MTA1: variants seen among roughly 807,000 people sequenced by gnomAD.
MTA1 encodes metastasis associated 1.
Under a neutral mutation model 97.0 loss-of-function variants are expected in MTA1, and 15 were observed. The observed-to-expected ratio is 0.15, with a 90% CI of 0.10 to 0.24. MTA1 has a LOEUF of 0.24. Ranked by LOEUF, MTA1 falls within the 10% of genes least tolerant of loss-of-function variation. MTA1 has a pLI of 1.00. For synonymous variants in MTA1, 435 were observed against 417.5 expected, an observed-to-expected ratio of 1.04 and a Z score of -0.51; for missense variants, 709 against 1,015.1, an observed-to-expected ratio of 0.70 and a Z score of 4.10.
intron 7 of MTA1, among the ~76,000 whole-genome samples, chr14:105,455,679 G>A (rs1395857577): frequency 6.6e-6 from 1 of 152,334 alleles, no homozygotes; most frequent in African/African-American, 2.4e-5. Flanking sequence ...TTGATTGTCC[G>A]TAAGGTGCTG....
At chr14:105,425,104 C>T (rs2081969771) in intron 1 of MTA1, among the ~76,000 whole-genome samples, 1 of 152,210 alleles carries the variant, frequency 6.6e-6, no homozygotes, top group Non-Finnish European at 1.5e-5. Flanking sequence ...CTTGGGGGAG[C>T]ACTGGCTGCA....
chr14:105,456,990 C>G (rs587645158), intron 7 of MTA1, among the ~76,000 whole-genome samples: 2 of 152,242 alleles, frequency 1.3e-5, no homozygotes, highest in Non-Finnish European at 2.9e-5. Flanking sequence ...TGCCCCTTAG[C>G]GAGGGATAGC....
chr14:105,433,403 G>A (rs907750959), intron 1 of MTA1, among the ~76,000 whole-genome samples: 5 of 152,212 alleles, frequency 3.3e-5, no homozygotes, highest in African/African-American at 4.8e-5. Flanking sequence ...ACCGCGGTAC[G>A]TCACTGTCAG....
At chr14:105,449,919 C>T in intron 4 of MTA1, 139 bp from the exon 5 acceptor site, 1 of 1,263,594 alleles carries the variant, frequency 7.9e-7, no homozygotes. Context: ...GGCAGTGGGA[C>T]AGTGTCCGGC....
chr14:105,469,714 G>A, intron 19 of MTA1, 127 bp from the exon 20 acceptor site: 2 of 1,378,010 alleles, frequency 1.5e-6, no homozygotes, highest in Non-Finnish European at 2.0e-6. Flanking sequence ...GGGCCAGGCT[G>A]GGGGTCCGTG....
chr14:105,454,075 C>T (rs1006454945), intron 6 of MTA1, 118 bp from the exon 7 acceptor site: 16 of 705,420 alleles, frequency 2.3e-5, no homozygotes, highest in South Asian at 1.3e-4. Context: ...GCGCCCATGT[C>T]GCCCCACAAG....
chr14:105,458,591 G>T (rs2083242469), intron 8 of MTA1, among the ~76,000 whole-genome samples: 1 of 152,200 alleles, frequency 6.6e-6, no homozygotes, highest in African/African-American at 2.4e-5. Flanking sequence ...CCTTCTGGGG[G>T]GCAGGCCTGT....
intron 8 of MTA1, 26 bp from the exon 9 acceptor site, chr14:105,460,330 CTG>C (rs782729596): frequency 6.9e-6 from 11 of 1,584,936 alleles, no homozygotes; most frequent in Non-Finnish European, 9.4e-6. Flanking sequence ...TTGGCCGACA[CTG>C]TGGTCAGCGC....
rs1555430377 is a variant in MTA1 at position 105,458,367 on chromosome 14, G to C, written c.648G>C (p.Val216=). The stretch of plus-strand genomic sequence containing the variant: ...AGCAGATCGACCAGTTCCTGGTGGT[G>C]GCCCGGTGAGTCCTGCTCCTGGGCA... The part of the protein sequence containing the change: ...TDKQIDQFLV[V]ARSVGTFARA... The change falls in exon 8 of 21, where the codon GTG becomes GTC. Residue 216 remains valine, a synonymous_variant. Transcript: ENST00000331320. The C allele has an allele frequency of 1.2e-6, 2 of 1,612,548 alleles. No individual in the cohort carries two copies. The highest frequency in any genetic ancestry group is 4.5e-5 in the East Asian group (2 of 44,874).
chr14:105,449,921 G>A, intron 4 of MTA1, 137 bp from the exon 5 acceptor site: 1 of 1,290,370 alleles, frequency 7.7e-7, no homozygotes, highest in Middle Eastern at 2.2e-4. Context: ...CAGTGGGACA[G>A]TGTCCGGCAG....
intron 6 of MTA1, among the ~76,000 whole-genome samples, chr14:105,452,869 T>G (rs186796092): frequency 6.7e-4 from 102 of 152,166 alleles, no homozygotes; most frequent in African/African-American, 2.4e-3. Context: ...GCTTTCAGAA[T>G]AGGAGAGACA....
rs181008298 is a variant in MTA1, at chr14:105,432,886, G to A, written c.29-5786G>A. Among the ~76,000 whole-genome samples the A allele has an allele frequency of 7.2e-4, 109 of 152,256 alleles. 1 individual carries two copies. Among genetic ancestry groups the A allele is most frequent in the African/African-American group, 2.3e-3 (95 of 41,542 alleles). ...ACTGTGGTTACAGCAGAGTGTCTGC[G>A]ACTTCCATGCGAGTGCAAGGGAAAC... On this transcript the variant is annotated intron_variant, in intron 1 of 20. Transcript: ENST00000331320.
rs931329190 is a variant in MTA1, at chr14:105,424,456, C to T, written c.28+4393C>T. Among the ~76,000 whole-genome samples, 11 of 151,912 alleles carry T rather than the reference C, an allele frequency of 7.2e-5. No homozygotes were observed. The highest frequency in any genetic ancestry group is 2.7e-4 in the African/African-American group (11 of 41,314). On this transcript the variant is annotated intron_variant, in intron 1 of 20. Coordinates refer to ENST00000331320, the MANE Select transcript of MTA1 (RefSeq NM_004689.4). This position sits in a 1 kb window ranked among gnomAD's most constrained non-coding sequence, Gnocchi z 4.0. ...GACCTTGTGACCCACCCGCCTCAGC[C>T]TCTCAAAGTATTGGGATTACAGGCG...
chr14:105,422,026 G>A lies in MTA1; in HGVS notation c.28+1963G>A, dbSNP rs2081854237. Among the ~76,000 whole-genome samples, 1 of 152,234 alleles carries A rather than the reference G, an allele frequency of 6.6e-6. No individual in the cohort carries two copies. Reference sequence around the variant, plus strand: ...TGAGGAGCATGGGAGGTTGGGTGCTGTCTGCTGGCAGCACAGCCACGCGTG... The same window carrying A: ...TGAGGAGCATGGGAGGTTGGGTGCTATCTGCTGGCAGCACAGCCACGCGTG... On this transcript the variant is annotated intron_variant, in intron 1 of 20. Coordinates refer to ENST00000331320, the MANE Select transcript of MTA1 (RefSeq NM_004689.4). The surrounding 1 kb of genome is among the most constrained non-coding windows in gnomAD (Gnocchi z 4.3).
intron 18 of MTA1, chr14:105,467,075 G>T: frequency 2.1e-6 from 1 of 479,412 alleles, no homozygotes; most frequent in South Asian, 2.1e-5. Context: ...GGGGCCGCCC[G>T]TGCTGTGCCT....
At chr14:105,425,741 A>T (rs1330489770) in intron 1 of MTA1, among the ~76,000 whole-genome samples, 6 of 120,254 alleles carry the variant, frequency 5.0e-5, no homozygotes, top group Admixed American at 2.3e-4. Context: ...GGACTGGGGG[A>T]TCTTGGTGGC....
chr14:105,440,972 T>C (rs2082491819), intron 2 of MTA1, among the ~76,000 whole-genome samples: 1 of 152,080 alleles, frequency 6.6e-6, no homozygotes, highest in African/African-American at 2.4e-5. Flanking sequence ...GGAGAGGCGG[T>C]GCCACTGGGA....
intron 18 of MTA1, chr14:105,467,083 C>A: frequency 2.1e-6 from 1 of 467,806 alleles, no homozygotes. Flanking sequence ...CCGTGCTGTG[C>A]CTGCAATCCT....
chr14:105,429,188 A>C lies in MTA1; in HGVS notation c.28+9125A>C, dbSNP rs79223953. ...TCAGGCTGGGGCTCTGGCTTCGGGG[A>C]ATGTGTCCGCTTTGATTTCCCATCC... On this transcript the variant is annotated intron_variant, in intron 1 of 20. Transcript: ENST00000331320. 3.8e-3 allele frequency among the ~76,000 whole-genome samples: 573 copies of C among 152,248 alleles called. 8 individuals are homozygous for C. The highest frequency in any genetic ancestry group is 0.013 in the African/African-American group (560 of 41,544).
Sources: gnomAD v4.1 joint callset for allele counts (sites outside exome capture counted in the v4.1 genomes callset) on GRCh38, gnomAD v4.1.1 for gene constraint, Gnocchi (gnomAD v3.1) non-coding constraint, MANE v1.5 for transcripts, NCBI Gene and HGNC (gene_info 2026-07-23, HGNC 2026-07-21) for gene names.